THSD7A: variants seen among roughly 807,000 people sequenced by gnomAD.
The protein encoded by THSD7A is thrombospondin type 1 domain containing 7A.
A neutral mutation model predicts 231.3 loss-of-function variants in THSD7A; 96 were observed. The ratio of observed to expected loss-of-function variants is 0.41; its 90% CI spans 0.35 to 0.49. The LOEUF (loss-of-function observed/expected upper bound fraction) is 0.49. THSD7A is among the 20% of genes least tolerant of loss of function. THSD7A has a pLI of 0.05. For missense variants in THSD7A, 2,290 were observed against 2,070.2 expected (o/e 1.11, Z -2.06); for synonymous variants, 940 against 743.3 (o/e 1.26, Z -4.30).
rs922155712 is a variant in THSD7A at position 11,654,414 on chromosome 7, A to G, written c.191-17453T>C. The stretch of plus-strand genomic sequence containing the variant: ...CCCAATAAAGCAGTGTTGAAGATGC[A>G]TATAATTGTGTTAGTTGTTCTTTAA... On this transcript the variant is annotated intron_variant, in intron 1 of 27. Transcript: ENST00000423059. Among the ~76,000 whole-genome samples, 2 of 152,002 alleles carry G rather than the reference A, an allele frequency of 1.3e-5. 1 individual carries two copies. Among genetic ancestry groups the G allele is most frequent in the African/African-American group, 4.8e-5 (2 of 41,426 alleles).
chr7:11,507,817 T>C (rs1787617361), intron 6 of THSD7A, among the ~76,000 whole-genome samples: 1 of 152,222 alleles, frequency 6.6e-6, no homozygotes, highest in South Asian at 2.1e-4. Flanking sequence ...TTTAAAACCA[T>C]ACATCTGATA....
chr7:11,683,395 C>G (rs1480364611), intron 1 of THSD7A, among the ~76,000 whole-genome samples: 1 of 151,634 alleles, frequency 6.6e-6, no homozygotes, highest in Non-Finnish European at 1.5e-5. Flanking sequence ...AACTAAATAA[C>G]ATTGAGACCA....
intron 1 of THSD7A, among the ~76,000 whole-genome samples, chr7:11,768,796 T>C (rs1783112359): frequency 6.6e-6 from 1 of 152,058 alleles, no homozygotes; most frequent in African/African-American, 2.4e-5. Context: ...TCTAAGAATA[T>C]GATATTTAAA....
intron 17 of THSD7A, chr7:11,414,088 G>GTCTT (rs1347364751): frequency 6.6e-6 from 1 of 152,146 alleles, no homozygotes; most frequent in Admixed American, 6.6e-5. Flanking sequence ...CAATACCCTG[G>GTCTT]TCTTTATTTG....
chr7:11,752,583 T>C (rs1782538337), intron 1 of THSD7A, among the ~76,000 whole-genome samples: 2 of 151,998 alleles, frequency 1.3e-5, no homozygotes, highest in South Asian at 4.1e-4. Context: ...TTTTATAACA[T>C]AAATTTTAGT....
chr7:11,820,444 C>T (rs755268540), intron 1 of THSD7A: 283 of 1,315,074 alleles, frequency 2.2e-4, no homozygotes, highest in Non-Finnish European at 2.7e-4. Context: ...GCTTGATTTC[C>T]AGAACATGAA....
chr7:11,625,650 CTAATA>C (rs1361090950), intron 2 of THSD7A, among the ~76,000 whole-genome samples: 2 of 151,964 alleles, frequency 1.3e-5, no homozygotes, highest in African/African-American at 4.8e-5. Context: ...CATGGAATTA[CTAATA>C]TAATGTGTTA....
Position 11,636,295 on chromosome 7 carries a change from T to C in THSD7A, c.857A>G (p.Asp286Gly). Reference sequence around the variant, plus strand: ...TGGATCCTTTACTCCTTTGCTGCGGTCCTTTTCCCGTTCTTTATTCTTCCC... The same window carrying C: ...TGGATCCTTTACTCCTTTGCTGCGGCCCTTTTCCCGTTCTTTATTCTTCCC... ...RRGKNKEREK[D>G]RSKGVKDPEA... The change falls in exon 2 of 28, where the codon GAC becomes GGC. Residue 286 changes from aspartate to glycine, a missense_variant. Asp to Gly is a moderately conservative substitution (Grantham distance 94). Coordinates refer to ENST00000423059, the MANE Select transcript of THSD7A (RefSeq NM_015204.3). This position sits in a 1 kb window ranked among gnomAD's most constrained non-coding sequence, Gnocchi z 10.0. 6.2e-7 allele frequency: 1 copy of C among 1,614,004 alleles called. No individual in the cohort carries two copies. Among genetic ancestry groups the C allele is most frequent in the Non-Finnish European group, 8.5e-7 (1 of 1,179,896 alleles).
intron 1 of THSD7A, among the ~76,000 whole-genome samples, chr7:11,795,017 T>C (rs1784081427): frequency 6.6e-6 from 1 of 152,014 alleles, no homozygotes; most frequent in Non-Finnish European, 1.5e-5. Flanking sequence ...GAAGTATGCA[T>C]AACATAGGCT....
In THSD7A at chr7:11,590,290, T is replaced by C. The variant is rs531554325; in HGVS notation, c.1453+170A>G. Among the ~76,000 whole-genome samples, 2 of 152,324 alleles carry C rather than the reference T, an allele frequency of 1.3e-5. No homozygotes were observed. The highest frequency in any genetic ancestry group is 2.4e-5 in the African/African-American group (1 of 41,570). ...TGACCAAAGATGGAATTGTGTTAAATATTTTCACAACCATAATGTGGATTA... is the reference window on the plus strand; with the variant it reads ...TGACCAAAGATGGAATTGTGTTAAACATTTTCACAACCATAATGTGGATTA... On this transcript the variant is annotated intron_variant, in intron 4 of 27. Coordinates refer to ENST00000423059, the MANE Select transcript of THSD7A (RefSeq NM_015204.3). This position sits in a 1 kb window ranked among gnomAD's most constrained non-coding sequence, Gnocchi z 4.4.
Position 11,637,237 on chromosome 7 carries a change from T to C in THSD7A, c.191-276A>G, listed in dbSNP as rs1203851047. ...AAAGTTTGGTTTTGTTCATTTCCTT[T>C]GTTTTAGGTAGTTAGAAATCCTTGC... On this transcript the variant is annotated intron_variant, in intron 1 of 27. Coordinates refer to ENST00000423059, the MANE Select transcript of THSD7A (RefSeq NM_015204.3). The surrounding 1 kb of genome is among the most constrained non-coding windows in gnomAD (Gnocchi z 4.2). 6.6e-6 allele frequency among the ~76,000 whole-genome samples: 1 copy of C among 152,206 alleles called. No homozygotes were observed. Among genetic ancestry groups the C allele is most frequent in the Non-Finnish European group, 1.5e-5 (1 of 68,036 alleles).
intron 1 of THSD7A, among the ~76,000 whole-genome samples, chr7:11,752,026 G>C (rs188433976): frequency 6.6e-6 from 1 of 152,264 alleles, no homozygotes; most frequent in African/African-American, 2.4e-5. Flanking sequence ...TCCTCTGAGA[G>C]AGTGTTGCCC....
At chr7:11,461,826 AC>A (rs1356526980) in intron 10 of THSD7A, among the ~76,000 whole-genome samples, 184 bp downstream of exon 10, 2 of 152,194 alleles carry the variant, frequency 1.3e-5, no homozygotes, top group Non-Finnish European at 2.9e-5. Flanking sequence ...GCCTTCTTGT[AC>A]ATCATTTCAG....
At chr7:11,701,117 T>G (rs1486528702) in intron 1 of THSD7A, among the ~76,000 whole-genome samples, 1 of 151,256 alleles carries the variant, frequency 6.6e-6, no homozygotes, top group African/African-American at 2.4e-5. Flanking sequence ...TAATATAATT[T>G]TTTTAGAGCT....
intron 6 of THSD7A, among the ~76,000 whole-genome samples, chr7:11,486,385 G>C (rs140767042): frequency 6.8e-4 from 104 of 152,268 alleles, no homozygotes; most frequent in African/African-American, 2.3e-3. Context: ...TGGAGAAATG[G>C]AAGTTTTGCT....
rs372036633 is a variant in THSD7A at position 11,568,519 on chromosome 7, G to T, written c.1453+21941C>A. 2.7e-5 allele frequency among the ~76,000 whole-genome samples: 4 copies of T among 149,240 alleles called. No individual in the cohort carries two copies. The East Asian group carries it at 6.0e-4, about 23-fold the overall frequency. Reference sequence around the variant, plus strand: ...AGGTGCCTGTAGTCCCAGCTATTTGGGAAGCTGAGGCAGGAGAATGGCGTG... The same window carrying T: ...AGGTGCCTGTAGTCCCAGCTATTTGTGAAGCTGAGGCAGGAGAATGGCGTG... On this transcript the variant is annotated intron_variant, in intron 4 of 27. Coordinates refer to ENST00000423059, the MANE Select transcript of THSD7A (RefSeq NM_015204.3).
intron 16 of THSD7A, among the ~76,000 whole-genome samples, chr7:11,423,432 G>C (rs1021723331): frequency 2.7e-5 from 4 of 149,150 alleles, no homozygotes; most frequent in Admixed American, 2.0e-4. Flanking sequence ...GCAGTGGCGC[G>C]ATCTCGGCTC....
chr7:11,691,331 A>C (rs1053085296), intron 1 of THSD7A, among the ~76,000 whole-genome samples: 4 of 151,452 alleles, frequency 2.6e-5, no homozygotes, highest in African/African-American at 9.7e-5. Flanking sequence ...CAATTGTAAT[A>C]GGTATTATCA....
intron 9 of THSD7A, among the ~76,000 whole-genome samples, chr7:11,465,624 A>G (rs190173046): frequency 6.6e-6 from 1 of 152,228 alleles, no homozygotes; most frequent in African/African-American, 2.4e-5. Flanking sequence ...GCAGTACAGT[A>G]ATAGGAAATT....
Sources: allele counts gnomAD v4.1 joint callset (sites outside exome capture counted in the v4.1 genomes callset), GRCh38; gene constraint gnomAD v4.1.1; non-coding constraint Gnocchi (gnomAD v3.1); transcripts MANE v1.5; gene names NCBI Gene and HGNC (gene_info 2026-07-23, HGNC 2026-07-21).